Variants in MFAP3L observed in about 807,000 individuals in gnomAD.
MFAP3L encodes the protein microfibrillar-associated protein 3-like.
MFAP3L carries 5 observed loss-of-function variants against 20.0 expected under a neutral mutation model. The observed-to-expected ratio is 0.25, with a 90% CI of 0.13 to 0.53. MFAP3L has a LOEUF of 0.53. Ranked by LOEUF, MFAP3L falls within the 20% of genes least tolerant of loss-of-function variation. MFAP3L has a pLI of 0.96. For synonymous variants in MFAP3L, 219 were observed against 213.0 expected (o/e 1.03, Z -0.25); for missense variants, 409 against 527.5 (o/e 0.78, Z 2.20).
At chr4:170,010,554 G>T (rs1254378500) in intron 1 of MFAP3L, among the ~76,000 whole-genome samples, 1 of 152,120 alleles carries the variant, frequency 6.6e-6, no homozygotes, top group Non-Finnish European at 1.5e-5. Context: ...AAGATGGCGA[G>T]GCTGAAGACA....
At chr4:170,022,486 G>A (rs1376958018) in intron 1 of MFAP3L, among the ~76,000 whole-genome samples, 1 of 152,170 alleles carries the variant, frequency 6.6e-6, no homozygotes, top group East Asian at 1.9e-4. Flanking sequence ...TCCTGCCCTT[G>A]CCTATTAGTC....
intron 1 of MFAP3L, among the ~76,000 whole-genome samples, chr4:170,011,128 G>A (rs918471043): frequency 2.0e-5 from 3 of 152,074 alleles, no homozygotes; most frequent in African/African-American, 7.2e-5. Flanking sequence ...CTTCTCCTTT[G>A]CCTTCCACCA....
chr4:170,017,262 T>C (rs1351200230), intron 1 of MFAP3L, among the ~76,000 whole-genome samples: 2 of 152,188 alleles, frequency 1.3e-5, no homozygotes, highest in East Asian at 1.9e-4. Context: ...AGTGTCATTA[T>C]AGGCTCTTTC....
chr4:170,003,799 A>AGT, intron 2 of MFAP3L: 1 of 985,446 alleles, frequency 1.0e-6, no homozygotes, highest in Non-Finnish European at 1.2e-6. Context: ...CCTGGCCTGC[A>AGT]GTGTCTTTGT....
At chr4:170,008,529 G>C (rs1216079511) in intron 1 of MFAP3L, among the ~76,000 whole-genome samples, 3 of 152,186 alleles carry the variant, frequency 2.0e-5, no homozygotes, top group African/African-American at 7.2e-5. Flanking sequence ...TCCACTCACA[G>C]TCTAGTAGTG....
intron 2 of MFAP3L, among the ~76,000 whole-genome samples, chr4:170,002,939 A>C (rs1178007701): frequency 6.6e-6 from 1 of 152,170 alleles, no homozygotes; most frequent in Non-Finnish European, 1.5e-5. Context: ...CCATATTATA[A>C]TATGGACATT....
At chr4:169,994,670 T>C in intron 2 of MFAP3L, 1 of 505,446 alleles carries the variant, frequency 2.0e-6, no homozygotes, top group Non-Finnish European at 2.6e-6. Context: ...CTTGTGACAT[T>C]GTTAAAAGGG....
At chr4:170,012,233 A>G (rs1739429104) in intron 1 of MFAP3L, among the ~76,000 whole-genome samples, 1 of 152,190 alleles carries the variant, frequency 6.6e-6, no homozygotes. Context: ...GGGGAAGGAA[A>G]GAAGTTGGCA....
Position 169,991,789 on chromosome 4 carries a change from A to G in MFAP3L, c.819T>C (p.His273=). The part of the protein sequence containing the change: ...LEEQGQNFVR[H]TPEGQEAADR... Reference sequence around the variant, plus strand: ...CTGCGGCCTCCTGGCCCTCTGGAGTATGCCTCACAAAATTCTGCCCCTGCT... The same window carrying G: ...CTGCGGCCTCCTGGCCCTCTGGAGTGTGCCTCACAAAATTCTGCCCCTGCT... Residue 273 remains histidine, a synonymous_variant, in exon 3 of 3, where the codon CAT becomes CAC. Coordinates refer to ENST00000361618, the MANE Select transcript of MFAP3L (RefSeq NM_021647.8). The surrounding 1 kb of genome is among the most constrained non-coding windows in gnomAD (Gnocchi z 4.9). 6.2e-7 allele frequency: 1 copy of G among 1,614,154 alleles called. No individual in the cohort carries two copies. Among genetic ancestry groups the G allele is most frequent in the Admixed American group, 1.7e-5 (1 of 60,014 alleles).
chr4:169,997,289 A>C (rs1738248324), intron 2 of MFAP3L, among the ~76,000 whole-genome samples: 1 of 152,228 alleles, frequency 6.6e-6, no homozygotes, highest in Non-Finnish European at 1.5e-5. Context: ...AAGCATTTCA[A>C]ACACCTCAGA....
chr4:169,989,683 T>A lies in MFAP3L; in HGVS notation c.*1695A>T, dbSNP rs920264117. On this transcript the variant is annotated 3_prime_UTR_variant, in exon 3 of 3. Transcript: ENST00000361618. ...ACAGAGTGAGGACTAAACATCTGGG[T>A]CTGCTCTCATCACCAATGTGATCCA... The A allele has an allele frequency of 2.6e-5, 4 of 152,198 alleles. No homozygotes were observed. Among genetic ancestry groups the A allele is most frequent in the Non-Finnish European group, 5.9e-5 (4 of 68,036 alleles). The allele number at this position is 152,198 out of a possible 1,614,324, so 9.4% of individuals were successfully genotyped here.
intron 2 of MFAP3L, among the ~76,000 whole-genome samples, chr4:170,002,762 C>T (rs1261794747): frequency 1.3e-5 from 2 of 151,986 alleles, no homozygotes; most frequent in Admixed American, 1.3e-4. Flanking sequence ...CCCACCTCGG[C>T]CTCCCAAAGT....
chr4:170,014,781 C>A (rs1051101994), intron 1 of MFAP3L, among the ~76,000 whole-genome samples: 2 of 152,210 alleles, frequency 1.3e-5, no homozygotes, highest in Non-Finnish European at 2.9e-5. Flanking sequence ...ATTGTGCACA[C>A]ACAGCTTCCC....
At chr4:169,995,037 G>T (rs1204234901) in intron 2 of MFAP3L, 1 of 152,116 alleles carries the variant, frequency 6.6e-6, no homozygotes, top group East Asian at 1.9e-4. Flanking sequence ...GCAATTTCCT[G>T]TTTCCAATGG....
intron 2 of MFAP3L, chr4:169,997,802 C>CTT (rs397768343): frequency 1.4e-4 from 133 of 941,478 alleles, no homozygotes; most frequent in Non-Finnish European, 1.5e-4. Context: ...TTCATTAATT[C>CTT]TTTTTTTTTT....
intron 1 of MFAP3L, among the ~76,000 whole-genome samples, chr4:170,013,800 T>C (rs564473229): frequency 6.6e-6 from 1 of 152,352 alleles, no homozygotes; most frequent in East Asian, 1.9e-4. Context: ...CATTCATTCA[T>C]ATATTAAGAT....
intron 2 of MFAP3L, among the ~76,000 whole-genome samples, chr4:170,004,411 T>C (rs1738896253): frequency 6.6e-6 from 1 of 152,214 alleles, no homozygotes; most frequent in Non-Finnish European, 1.5e-5. Flanking sequence ...ATATGTAATA[T>C]TTTGACTTAA....
intron 1 of MFAP3L, among the ~76,000 whole-genome samples, chr4:170,016,855 C>T (rs1193383497): frequency 2.0e-5 from 3 of 152,154 alleles, no homozygotes; most frequent in Admixed American, 6.5e-5. Context: ...AGAAATGCAT[C>T]ATTTGCTTAC....
chr4:169,999,568 C>T (rs1738466211), intron 2 of MFAP3L, among the ~76,000 whole-genome samples: 1 of 152,096 alleles, frequency 6.6e-6, no homozygotes, highest in African/African-American at 2.4e-5. Context: ...AATAACAGCA[C>T]CCTACACTTA....
Sources: gnomAD v4.1 joint callset for allele counts (sites outside exome capture counted in the v4.1 genomes callset) on GRCh38, gnomAD v4.1.1 for gene constraint, Gnocchi (gnomAD v3.1) non-coding constraint, MANE v1.5 for transcripts, NCBI Gene and HGNC (gene_info 2026-07-23, HGNC 2026-07-21) for gene names.